Variants in FSIP1 observed in about 807,000 individuals in gnomAD.
FSIP1 encodes the protein fibrous sheath-interacting protein 1.
A neutral mutation model predicts 60.9 loss-of-function variants in FSIP1; 65 were observed. The ratio of observed to expected loss-of-function variants is 1.07; its 90% CI spans 0.87 to 1.31. FSIP1 has a LOEUF of 1.31. FSIP1 is among the 40% of genes most tolerant of loss of function. The pLI is 0.00. For missense variants in FSIP1, 675 were observed against 665.5 expected (o/e 1.01, Z -0.16); for synonymous variants, 209 against 221.2 (o/e 0.94, Z 0.49).
chr15:39,702,307 T>C (rs140355598), intron 10 of FSIP1, among the ~76,000 whole-genome samples: 14 of 150,108 alleles, frequency 9.3e-5, no homozygotes, highest in African/African-American at 3.2e-4. Flanking sequence ...GGTTAACAGA[T>C]ACCACGGGGA....
chr15:39,725,806 AG>A (rs748933053), intron 9 of FSIP1, among the ~76,000 whole-genome samples: 4 of 149,520 alleles, frequency 2.7e-5, no homozygotes, highest in Non-Finnish European at 4.4e-5. Context: ...TTTTTTTGAC[AG>A]AGAATCTCGT....
chr15:39,602,310 T>C (rs1890670257), intron 11 of FSIP1: 2 of 456,134 alleles, frequency 4.4e-6, no homozygotes, highest in East Asian at 7.0e-5. Context: ...CAGGAGAAGC[T>C]GGAAGAAGCA....
At chr15:39,691,426 A>C (rs1894595092) in intron 10 of FSIP1, among the ~76,000 whole-genome samples, 1 of 152,184 alleles carries the variant, frequency 6.6e-6, no homozygotes, top group Non-Finnish European at 1.5e-5. Flanking sequence ...GTGTGCCAGC[A>C]AGCACCATTC....
At chr15:39,644,104 T>C (rs978416184) in intron 10 of FSIP1, among the ~76,000 whole-genome samples, 3 of 152,240 alleles carry the variant, frequency 2.0e-5, no homozygotes. Context: ...AGTTACACTT[T>C]GAGATTTCTC....
chr15:39,761,839 T>C (rs12595664), intron 5 of FSIP1, among the ~76,000 whole-genome samples: 16,229 of 152,284 alleles, frequency 0.11, 1,231 homozygotes, highest in East Asian at 0.25. Context: ...CCCATAAATA[T>C]AAATTGTCAA....
At position 39,644,533 on chromosome 15, in the gene FSIP1, G is replaced by C. The variant is rs546724269; in HGVS notation, c.1189-26288C>G. ...TGTGCATCTGAGACACGAGGGGAGA[G>C]ACCTTTGTTTTAATTGCCCATGATT... On this transcript the variant is annotated intron_variant, in intron 10 of 11. Transcript: ENST00000350221. Among the ~76,000 whole-genome samples the C allele has an allele frequency of 3.3e-5, 5 of 152,230 alleles. No homozygotes were observed. The East Asian group carries it at 9.6e-4, about 29-fold the overall frequency.
intron 4 of FSIP1, 70 bp downstream of exon 4, chr15:39,765,522 G>A (rs946492670): frequency 5.8e-6 from 7 of 1,199,882 alleles, no homozygotes; most frequent in Middle Eastern, 4.1e-4. Flanking sequence ...GGGATTACAG[G>A]TGTGAGCCAC....
chr15:39,781,436 C>T lies in FSIP1; in HGVS notation c.-8+1192G>A, dbSNP rs188058667. Among the ~76,000 whole-genome samples the T allele has an allele frequency of 8.8e-3, 1,341 of 152,154 alleles. 6 individuals carry two copies. Among genetic ancestry groups the T allele is most frequent in the African/African-American group, 0.016 (662 of 41,506 alleles). ...TCTTATAAAGTTAAACATATATTTACCATATGACTCCACAATCTCATTCAT... is the reference window on the plus strand; with the variant it reads ...TCTTATAAAGTTAAACATATATTTATCATATGACTCCACAATCTCATTCAT... On this transcript the variant is annotated intron_variant, in intron 1 of 11. Coordinates refer to ENST00000350221, the MANE Select transcript of FSIP1 (RefSeq NM_152597.5).
chr15:39,628,535 T>G (rs1317846063), intron 10 of FSIP1, among the ~76,000 whole-genome samples: 1 of 152,182 alleles, frequency 6.6e-6, no homozygotes, highest in Non-Finnish European at 1.5e-5. Context: ...TGCACATGTG[T>G]GACATTCCTT....
At chr15:39,732,236 G>A (rs569621021) in intron 8 of FSIP1, among the ~76,000 whole-genome samples, 14 of 152,252 alleles carry the variant, frequency 9.2e-5, no homozygotes, top group African/African-American at 1.9e-4. Flanking sequence ...CATCCCCTCC[G>A]GCTGTGCAGC....
chr15:39,684,160 G>GA (rs1894273725), intron 10 of FSIP1, among the ~76,000 whole-genome samples: 1 of 152,064 alleles, frequency 6.6e-6, no homozygotes, highest in African/African-American at 2.4e-5. Context: ...AATAAGATTG[G>GA]AAAAATCATA....
intron 10 of FSIP1, among the ~76,000 whole-genome samples, chr15:39,622,845 A>G (rs1233803033): frequency 6.6e-6 from 1 of 151,942 alleles, no homozygotes; most frequent in African/African-American, 2.4e-5. Context: ...CCTTTTCCCA[A>G]CTGCTGCTCA....
chr15:39,686,271 C>T (rs1399451496), intron 10 of FSIP1, among the ~76,000 whole-genome samples: 1 of 152,240 alleles, frequency 6.6e-6, no homozygotes, highest in Admixed American at 6.5e-5. Flanking sequence ...TCCACCTCCA[C>T]TATGGCCTTC....
At chr15:39,645,284 A>G (rs1892546182) in intron 10 of FSIP1, among the ~76,000 whole-genome samples, 1 of 152,230 alleles carries the variant, frequency 6.6e-6, no homozygotes, top group South Asian at 2.1e-4. Context: ...CCATCATGTC[A>G]GCTGCAGCAG....
chr15:39,662,038 G>C (rs1312778443), intron 10 of FSIP1, among the ~76,000 whole-genome samples: 1 of 152,074 alleles, frequency 6.6e-6, no homozygotes, highest in African/African-American at 2.4e-5. Context: ...ATGAGTCACA[G>C]GACTAACTAG....
chr15:39,763,972 A>AT (rs1186794551), intron 4 of FSIP1, 58 bp from the exon 5 acceptor site: 3 of 927,400 alleles, frequency 3.2e-6, no homozygotes, highest in Admixed American at 2.0e-5. Context: ...ATAATCATTG[A>AT]TTTTTTAAAC....
At chr15:39,641,126 T>C (rs996330651) in intron 10 of FSIP1, among the ~76,000 whole-genome samples, 7 of 152,234 alleles carry the variant, frequency 4.6e-5, no homozygotes, top group Non-Finnish European at 8.8e-5. Context: ...CTGGAAATCT[T>C]TGGAGACAAA....
intron 8 of FSIP1, among the ~76,000 whole-genome samples, chr15:39,727,671 T>G (rs1279256423): frequency 6.6e-6 from 1 of 152,074 alleles, no homozygotes; most frequent in East Asian, 1.9e-4. Context: ...CTGGAGATAA[T>G]TTTATGGAAG....
At chr15:39,626,533 T>C (rs2412410) in intron 10 of FSIP1, among the ~76,000 whole-genome samples, 18,796 of 152,114 alleles carry the variant, frequency 0.12, 1,389 homozygotes, top group East Asian at 0.21. Context: ...TCTCAAATTG[T>C]AATCCTCATG....
Sources: gnomAD v4.1 joint callset for allele counts (sites outside exome capture counted in the v4.1 genomes callset) on GRCh38, gnomAD v4.1.1 for gene constraint, MANE v1.5 for transcripts, NCBI Gene and HGNC (gene_info 2026-07-23, HGNC 2026-07-21) for gene names.